FZD1: variants seen among roughly 807,000 people sequenced by gnomAD.
FZD1 encodes frizzled-1.
Under a neutral mutation model 48.0 loss-of-function variants are expected in FZD1, and 22 were observed. The observed-to-expected ratio is 0.46, with a 90% confidence interval of 0.33 to 0.65. The LOEUF (loss-of-function observed/expected upper bound fraction) is 0.65. Among genes scored for constraint, FZD1 ranks in the 30% least tolerant of loss-of-function variants. FZD1 has a pLI of 0.02. For synonymous variants in FZD1, 486 were observed against 409.6 expected, an observed-to-expected ratio of 1.19 and a Z score of -2.25; for missense variants, 843 against 898.1, an observed-to-expected ratio of 0.94 and a Z score of 0.78.
Position 91,265,514 on chromosome 7 carries a change from A to C in FZD1, c.634A>C (p.Thr212Pro), listed in dbSNP as rs1327013250. 2 of 1,612,366 alleles carry C rather than the reference A, an allele frequency of 1.2e-6. No homozygotes were observed. The highest frequency in any genetic ancestry group is 2.7e-5 in the African/African-American group (2 of 74,908). Residue 212 changes from threonine to proline, a missense_variant, in exon 1 of 1, where the codon ACG (threonine) becomes CCG (proline). Coordinates refer to ENST00000287934, the MANE Select transcript of FZD1 (RefSeq NM_003505.2). The surrounding 1 kb of genome is among the most constrained non-coding windows in gnomAD (Gnocchi z 6.9). Reference protein sequence around the residue: ...MNKFGFQWPDTLKCEKFPVHG... With the variant: ...MNKFGFQWPDPLKCEKFPVHG... ...CAAGTTCGGCTTCCAGTGGCCAGACACGCTCAAGTGTGAGAAGTTCCCGGT... is the reference window on the plus strand; with the variant it reads ...CAAGTTCGGCTTCCAGTGGCCAGACCCGCTCAAGTGTGAGAAGTTCCCGGT...
chr7:91,265,843 C>G lies in FZD1; in HGVS notation c.963C>G (p.Thr321=). ...FGPEELRFSR[T]WIGIWSVLCC... is the part of the protein sequence containing the mutation. Reference sequence around the variant, plus strand: ...CCGAGGAGCTGCGCTTCTCGCGCACCTGGATTGGCATTTGGTCAGTGCTGT... The same window carrying G: ...CCGAGGAGCTGCGCTTCTCGCGCACGTGGATTGGCATTTGGTCAGTGCTGT... The change falls in exon 1 of 1, where the codon ACC becomes ACG. Residue 321 remains threonine (T), a synonymous_variant. Coordinates refer to ENST00000287934, the MANE Select transcript of FZD1 (RefSeq NM_003505.2). The surrounding 1 kb of genome is among the most constrained non-coding windows in gnomAD (Gnocchi z 6.9). The G allele has an allele frequency of 3.7e-6, 6 of 1,614,008 alleles. No homozygotes were observed. Among genetic ancestry groups the G allele is most frequent in the Non-Finnish European group, 4.2e-6 (5 of 1,179,848 alleles).
Position 91,266,303 on chromosome 7 carries a change from G to A in FZD1, c.1423G>A (p.Gly475Arg), listed in dbSNP as rs1803879832. Reference sequence around the variant, plus strand: ...CCAGGTGGACGGCGATGTGCTGAGCGGAGTGTGCTTCGTGGGGCTTAACAA... The same window carrying A: ...CCAGGTGGACGGCGATGTGCTGAGCAGAGTGTGCTTCGTGGGGCTTAACAA... ...LGQVDGDVLSGVCFVGLNNVD... is the reference protein window; with the variant it reads ...LGQVDGDVLSRVCFVGLNNVD... The change falls in exon 1 of 1, where the codon GGA becomes AGA. Residue 475 changes from glycine (G) to arginine (R), a missense_variant. Physicochemically the swap from Gly to Arg is moderately radical, Grantham distance 125. This residue lies in a region of FZD1 where 353 missense variants were observed against 431.6 expected (regional missense o/e 0.82). Coordinates refer to ENST00000287934, the MANE Select transcript of FZD1 (RefSeq NM_003505.2). This position sits in a 1 kb window ranked among gnomAD's most constrained non-coding sequence, Gnocchi z 6.8. 1 of 1,614,146 alleles carries A rather than the reference G, an allele frequency of 6.2e-7. No individual in the cohort carries two copies. Among genetic ancestry groups the A allele is most frequent in the South Asian group, 1.1e-5 (1 of 91,082 alleles).
In FZD1 at chr7:91,266,384, G is replaced by T. The variant is rs368484423; in HGVS notation, c.1504G>T (p.Gly502Cys). ...LAPLFVYLFI[G>C]TSFLLAGFVS... The stretch of plus-strand genomic sequence containing the variant: ...GCCCCTCTTCGTGTACCTGTTTATC[G>T]GCACGTCCTTTCTGCTGGCCGGCTT... The change falls in exon 1 of 1, where the codon GGC (glycine) becomes TGC (cysteine). Residue 502 changes from glycine to cysteine, a missense_variant. Around this residue, in one of 2 missense-constraint regions of FZD1, gnomAD observed 353 missense variants for 431.6 expected, o/e 0.82. Coordinates refer to ENST00000287934, the MANE Select transcript of FZD1 (RefSeq NM_003505.2). This position sits in a 1 kb window ranked among gnomAD's most constrained non-coding sequence, Gnocchi z 6.8. 1.9e-6 allele frequency: 3 copies of T among 1,614,112 alleles called. No individual in the cohort carries two copies. The highest frequency in any genetic ancestry group is 2.5e-6 in the Non-Finnish European group (3 of 1,180,014).
In FZD1 at chr7:91,270,641, G is replaced by A. The variant is rs756042658; in HGVS notation, c.*3817G>A. ...TCCCTGATAGCATGTTTCAACCTTG[G>A]TATACATTTTTTTTAAGATGCATAT... On this transcript the variant is annotated 3_prime_UTR_variant, in exon 1 of 1. Coordinates refer to ENST00000287934, the MANE Select transcript of FZD1 (RefSeq NM_003505.2). The A allele has an allele frequency of 6.0e-6, 1 of 166,688 alleles. No homozygotes were observed. The highest frequency in any genetic ancestry group is 1.5e-5 in the Non-Finnish European group (1 of 68,116). 10.3% of individuals were successfully genotyped at this position (166,688 alleles called of 1,614,324 possible).
rs1803894008 is a variant in FZD1, at chr7:91,266,939, C to G, written c.*115C>G. The G allele has an allele frequency of 2.8e-6, 2 of 705,528 alleles. No homozygotes were observed. The highest frequency in any genetic ancestry group is 1.8e-5 in the South Asian group (1 of 54,358). 43.7% of individuals were successfully genotyped at this position (705,528 alleles called of 1,614,324 possible). A position where few individuals can be genotyped will look rare whatever the true frequency, so the allele number is the denominator to read the frequency against. On this transcript the variant is annotated 3_prime_UTR_variant, in exon 1 of 1. Coordinates refer to ENST00000287934, the MANE Select transcript of FZD1 (RefSeq NM_003505.2). The surrounding 1 kb of genome is among the most constrained non-coding windows in gnomAD (Gnocchi z 6.8). ...CTCGAGGTTTCCTCACTAGACAACT[C>G]TCTTTCGCAGGCTCCTTTGAACAAC...
Position 91,265,701 on chromosome 7 carries a change from T to C in FZD1, c.821T>C (p.Phe274Ser). 6.2e-7 allele frequency: 1 copy of C among 1,600,336 alleles called. No individual in the cohort carries two copies. Among genetic ancestry groups the C allele is most frequent in the Non-Finnish European group, 8.5e-7 (1 of 1,174,284 alleles). ...GCCGGCGCGTCGGAGCGAGGCAAGT[T>C]CTCCTGCCCGCGCGCCCTCAAGGTG... ...GGAGASERGK[F>S]SCPRALKVPS... The change falls in exon 1 of 1, where the codon TTC (phenylalanine) becomes TCC (serine). Residue 274 changes from phenylalanine (F) to serine (S), a missense_variant. By Grantham distance (155) the Phe-to-Ser change is radical (BLOSUM62 -2). Transcript: ENST00000287934. This position sits in a 1 kb window ranked among gnomAD's most constrained non-coding sequence, Gnocchi z 6.9.
rs563575931 is a variant in FZD1 at position 91,265,161 on chromosome 7, A to C, written c.281A>C (p.Gln94Pro). The change falls in exon 1 of 1, where the codon CAG (glutamine) becomes CCG (proline). Residue 94 changes from glutamine (Q) to proline (P), a missense_variant. By Grantham distance (76) the Gln-to-Pro change is moderately conservative. Transcript: ENST00000287934. The surrounding 1 kb of genome is among the most constrained non-coding windows in gnomAD (Gnocchi z 6.9). ...GPGQQPPPPP[Q>P]QQQSGQQYNG... ...GGGCAGCAACCGCCGCCGCCGCCTCAGCAGCAACAGAGCGGGCAGCAGTAC... is the reference window on the plus strand; with the variant it reads ...GGGCAGCAACCGCCGCCGCCGCCTCCGCAGCAACAGAGCGGGCAGCAGTAC... 3.3e-5 allele frequency: 52 copies of C among 1,558,870 alleles called. No individual in the cohort carries two copies. The African/African-American group carries it at 6.6e-4, about 20-fold the overall frequency.
At position 91,265,108 on chromosome 7, in the gene FZD1, C is replaced by T; in HGVS notation, c.228C>T (p.Gly76=). 1.4e-6 allele frequency: 2 copies of T among 1,456,268 alleles called. No individual in the cohort carries two copies. Among genetic ancestry groups the T allele is most frequent in the Non-Finnish European group, 1.8e-6 (2 of 1,101,202 alleles). The allele number at this position is 1,456,268 out of a possible 1,614,324, so 90.2% of individuals were successfully genotyped here. Residue 76 remains glycine, a synonymous_variant, in exon 1 of 1, where the codon GGC becomes GGT. Transcript: ENST00000287934. The surrounding 1 kb of genome is among the most constrained non-coding windows in gnomAD (Gnocchi z 6.9). ...LLLGVRAQAA[G]QGPGQGPGPG... Reference sequence around the variant, plus strand: ...TGGGGGTCCGGGCCCAGGCGGCGGGCCAGGGGCCAGGCCAGGGGCCCGGGC... The same window carrying T: ...TGGGGGTCCGGGCCCAGGCGGCGGGTCAGGGGCCAGGCCAGGGGCCCGGGC...
In FZD1 at chr7:91,264,928, C is replaced by T. The variant is rs781701082; in HGVS notation, c.48C>T (p.Gly16=). ...APKKSRAAGG[G]ASWELCAGAL... is the part of the protein sequence containing the mutation. ...AGAAGTCCCGGGCCGCCGGCGGTGG[C>T]GCGAGCTGGGAACTTTGTGCCGGGG... Residue 16 remains glycine (G), a synonymous_variant, in exon 1 of 1, where the codon GGC becomes GGT. Coordinates refer to ENST00000287934, the MANE Select transcript of FZD1 (RefSeq NM_003505.2). The T allele has an allele frequency of 1.0e-3, 1,339 of 1,338,504 alleles. 5 individuals carry two copies. The highest frequency in any genetic ancestry group is 1.2e-3 in the Non-Finnish European group (1,258 of 1,049,512). The allele number at this position is 1,338,504 out of a possible 1,614,324, so 82.9% of individuals were successfully genotyped here.
At position 91,266,729 on chromosome 7, in the gene FZD1, T is replaced by C. The variant is rs1262089052; in HGVS notation, c.1849T>C (p.Ser617Pro). Reference protein sequence around the residue: ...YLMTLIVGITSGFWIWSGKTL... With the variant: ...YLMTLIVGITPGFWIWSGKTL... ...TATGACGCTGATCGTGGGCATCACG[T>C]CGGGCTTCTGGATCTGGTCCGGCAA... Residue 617 changes from serine to proline, a missense_variant, in exon 1 of 1, where the codon TCG (serine) becomes CCG (proline). Transcript: ENST00000287934. This position sits in a 1 kb window ranked among gnomAD's most constrained non-coding sequence, Gnocchi z 6.8. 6.2e-7 allele frequency: 1 copy of C among 1,613,540 alleles called. No homozygotes were observed. The highest frequency in any genetic ancestry group is 1.1e-5 in the South Asian group (1 of 91,072).
rs1803832021 is a variant in FZD1 at position 91,264,519 on chromosome 7, G to GAGGCGC, written c.-358_-353dup. 3.0e-6 allele frequency: 1 copy of GAGGCGC among 328,234 alleles called. No individual in the cohort carries two copies. The highest frequency in any genetic ancestry group is 5.5e-6 in the Non-Finnish European group (1 of 180,472). The allele number at this position is 328,234 out of a possible 1,614,324, so 20.3% of individuals were successfully genotyped here. On this transcript the variant is annotated 5_prime_UTR_variant, in exon 1 of 1. Coordinates refer to ENST00000287934, the MANE Select transcript of FZD1 (RefSeq NM_003505.2). The stretch of plus-strand genomic sequence containing the variant: ...GGCGGCGGCGGCGGAGAAGGAGGCG[G>GAGGCGC]AGGCGCAGGGGGGAGCCGAGCCCGC...
rs1803878470 is a variant in FZD1 at position 91,266,229 on chromosome 7, C to A, written c.1349C>A (p.Ala450Asp). 2 of 1,614,040 alleles carry A rather than the reference C, an allele frequency of 1.2e-6. No individual in the cohort carries two copies. Among genetic ancestry groups the A allele is most frequent in the Non-Finnish European group, 8.5e-7 (1 of 1,180,028 alleles). Residue 450 changes from alanine (A) to aspartate (D), a missense_variant, in exon 1 of 1, where the codon GCC becomes GAC. Physicochemically the swap from Ala to Asp is moderately radical, Grantham distance 126 (BLOSUM62 -2). This residue lies in a region of FZD1 where 353 missense variants were observed against 431.6 expected (regional missense o/e 0.82). Transcript: ENST00000287934. This position sits in a 1 kb window ranked among gnomAD's most constrained non-coding sequence, Gnocchi z 6.8. ...GCCAACTCACAGTATTTTCACCTGGCCGCCTGGGCTGTGCCGGCCATCAAG... is the reference window on the plus strand; with the variant it reads ...GCCAACTCACAGTATTTTCACCTGGACGCCTGGGCTGTGCCGGCCATCAAG... ...IEANSQYFHL[A>D]AWAVPAIKTI...
In FZD1 at chr7:91,265,445, T is replaced by C. The variant is rs200651234; in HGVS notation, c.565T>C (p.Ser189Pro). 4 of 1,613,212 alleles carry C rather than the reference T, an allele frequency of 2.5e-6. No individual in the cohort carries two copies. The highest frequency in any genetic ancestry group is 3.4e-6 in the Non-Finnish European group (4 of 1,179,782). ...AGAGCAGGCGCTGCCGCCCTGCCGC[T>C]CCCTGTGCGAGCGCGCGCGCCAGGG... ...VLEQALPPCR[S>P]LCERARQGCE... Residue 189 changes from serine to proline, a missense_variant, in exon 1 of 1, where the codon TCC (serine) becomes CCC (proline). Physicochemically the swap from Ser to Pro is moderately conservative, Grantham distance 74. Coordinates refer to ENST00000287934, the MANE Select transcript of FZD1 (RefSeq NM_003505.2). This position sits in a 1 kb window ranked among gnomAD's most constrained non-coding sequence, Gnocchi z 6.9.
Position 91,264,657 on chromosome 7 carries a change from T to G in FZD1, c.-224T>G, listed in dbSNP as rs2232157. ...GGCGGGACACGACCCCGGCGCGCCC[T>G]AGCCACCCGGGTTCTCCCCGCCGCC... On this transcript the variant is annotated 5_prime_UTR_variant, in exon 1 of 1. Transcript: ENST00000287934. 236,207 of 389,516 alleles carry G rather than the reference T, an allele frequency of 0.61. 72,597 individuals carry two copies. Among genetic ancestry groups the G allele is most frequent in the African/African-American group, 0.78 (37,475 of 48,128 alleles). 24.1% of individuals were successfully genotyped at this position (389,516 alleles called of 1,614,324 possible).
In FZD1 at chr7:91,267,115, G is replaced by C; in HGVS notation, c.*291G>C. 1 of 299,386 alleles carries C rather than the reference G, an allele frequency of 3.3e-6. No homozygotes were observed. The highest frequency in any genetic ancestry group is 6.5e-6 in the Non-Finnish European group (1 of 153,418). 18.5% of individuals were successfully genotyped at this position (299,386 alleles called of 1,614,324 possible). A position where few individuals can be genotyped will look rare whatever the true frequency, so the allele number is the denominator to read the frequency against. ...AATAGCCTGTGTAAGATTTTTGTAA[G>C]TATATTTGTATTTAAATGACGACCG... On this transcript the variant is annotated 3_prime_UTR_variant, in exon 1 of 1. Transcript: ENST00000287934.
chr7:91,264,833 C>G lies in FZD1; in HGVS notation c.-48C>G, dbSNP rs1391211502. ...GCAGGGGGAGCCGCCGCCGGCCGTG[C>G]CCCTGGCAGCCCCAGCGGAGCGGCG... On this transcript the variant is annotated 5_prime_UTR_variant, in exon 1 of 1. Transcript: ENST00000287934. 2 of 1,247,788 alleles carry G rather than the reference C, an allele frequency of 1.6e-6. No homozygotes were observed. Among genetic ancestry groups the G allele is most frequent in the African/African-American group, 3.1e-5 (2 of 63,914 alleles). The allele number at this position is 1,247,788 out of a possible 1,614,324, so 77.3% of individuals were successfully genotyped here.
Position 91,265,694 on chromosome 7 carries a change from G to T in FZD1, c.814G>T (p.Gly272Cys). The T allele has an allele frequency of 6.3e-7, 1 of 1,595,450 alleles. No individual in the cohort carries two copies. Among genetic ancestry groups the T allele is most frequent in the African/African-American group, 1.3e-5 (1 of 74,598 alleles). ...FPGGAGASERGKFSCPRALKV... is the reference protein window; with the variant it reads ...FPGGAGASERCKFSCPRALKV... ...GGGGGGCGCCGGCGCGTCGGAGCGA[G>T]GCAAGTTCTCCTGCCCGCGCGCCCT... Residue 272 changes from glycine (G) to cysteine (C), a missense_variant, in exon 1 of 1, where the codon GGC (glycine) becomes TGC (cysteine). Gly to Cys is a radical substitution (Grantham distance 159). Around this residue, in one of 2 missense-constraint regions of FZD1, gnomAD observed 490 missense variants for 466.5 expected, o/e 1.05. Coordinates refer to ENST00000287934, the MANE Select transcript of FZD1 (RefSeq NM_003505.2). This position sits in a 1 kb window ranked among gnomAD's most constrained non-coding sequence, Gnocchi z 6.9.
chr7:91,266,127 G>C lies in FZD1; in HGVS notation c.1247G>C (p.Ser416Thr). The C allele has an allele frequency of 1.9e-6, 3 of 1,614,236 alleles. No individual in the cohort carries two copies. Among genetic ancestry groups the C allele is most frequent in the Non-Finnish European group, 2.5e-6 (3 of 1,180,048 alleles). ...ATGCTCTACTTCTTCAGCATGGCCA[G>C]CTCCATCTGGTGGGTGATCCTGTCG... ...FMMLYFFSMA[S>T]SIWWVILSLT... The change falls in exon 1 of 1, where the codon AGC becomes ACC. Residue 416 changes from serine to threonine, a missense_variant. Coordinates refer to ENST00000287934, the MANE Select transcript of FZD1 (RefSeq NM_003505.2). The surrounding 1 kb of genome is among the most constrained non-coding windows in gnomAD (Gnocchi z 6.8).
Position 91,266,764 on chromosome 7 carries a change from C to A in FZD1, c.1884C>A (p.Asn628Lys), listed in dbSNP as rs1480246447. 5 of 1,612,408 alleles carry A rather than the reference C, an allele frequency of 3.1e-6. No homozygotes were observed. Among genetic ancestry groups the A allele is most frequent in the Admixed American group, 1.7e-5 (1 of 59,934 alleles). Residue 628 changes from asparagine (N) to lysine (K), a missense_variant, in exon 1 of 1, where the codon AAC becomes AAA. By Grantham distance (94) the Asn-to-Lys change is moderately conservative. Coordinates refer to ENST00000287934, the MANE Select transcript of FZD1 (RefSeq NM_003505.2). This position sits in a 1 kb window ranked among gnomAD's most constrained non-coding sequence, Gnocchi z 6.8. ...GGATCTGGTCCGGCAAGACCCTCAA[C>A]TCCTGGAGGAAGTTCTACACGAGGC... is the stretch of plus-strand genomic sequence containing the variant. The part of the protein sequence containing the change: ...GFWIWSGKTL[N>K]SWRKFYTRLT...
Sources: gnomAD v4.1 joint callset for allele counts on GRCh38, gnomAD v4.1.1 for gene constraint, gnomAD v4.1.1 regional missense constraint, Gnocchi (gnomAD v3.1) non-coding constraint, MANE v1.5 for transcripts, NCBI Gene and HGNC (gene_info 2026-07-23, HGNC 2026-07-21) for gene names.